The following CD44 variants were observed in gnomAD, a reference collection of about 807,000 sequenced individuals.
CD44 encodes CD44 molecule (IN blood group).
A neutral mutation model predicts 88.8 loss-of-function variants in CD44; 49 were observed. The ratio of observed to expected loss-of-function variants is 0.55; its 90% CI spans 0.44 to 0.70. The LOEUF is 0.70. CD44 is among the 30% of genes least tolerant of loss of function. The pLI is 0.00. For synonymous variants in CD44, 325 were observed against 312.3 expected, an observed-to-expected ratio of 1.04 and a Z score of -0.43; for missense variants, 883 against 913.8, an observed-to-expected ratio of 0.97 and a Z score of 0.43.
In CD44 at chr11:35,201,018, G is replaced by A. The variant is rs148426050; in HGVS notation, c.923-64G>A. Reference sequence around the variant, plus strand: ...AGCCTACAGAAGCAAGACTATGTGCGGGACAAGTGGCGAAGGCTCAAGAAA... The same window carrying A: ...AGCCTACAGAAGCAAGACTATGTGCAGGACAAGTGGCGAAGGCTCAAGAAA... On this transcript the variant is annotated intron_variant, in intron 7 of 17. Coordinates refer to ENST00000428726, the MANE Select transcript of CD44 (RefSeq NM_000610.4). 361 of 1,120,256 alleles carry A rather than the reference G, an allele frequency of 3.2e-4. 4 individuals are homozygous for A. The highest frequency in any genetic ancestry group is 2.4e-3 in the Middle Eastern group (12 of 5,090). The allele number at this position is 1,120,256 out of a possible 1,614,324, so 69.4% of individuals were successfully genotyped here.
chr11:35,188,344 C>T (rs548014456), intron 4 of CD44, among the ~76,000 whole-genome samples: 4 of 152,330 alleles, frequency 2.6e-5, no homozygotes, highest in Admixed American at 2.0e-4. Context: ...GTATGAAATC[C>T]TAGTTCCCTC....
At chr11:35,183,007 A>T (rs1390491469) in intron 3 of CD44, among the ~76,000 whole-genome samples, 3 of 152,124 alleles carry the variant, frequency 2.0e-5, no homozygotes, top group Non-Finnish European at 4.4e-5. Flanking sequence ...TTGGGCCCAT[A>T]CCTGGAGTTG....
intron 1 of CD44, among the ~76,000 whole-genome samples, chr11:35,167,391 T>C (rs547360828): frequency 1.3e-5 from 2 of 152,302 alleles, no homozygotes; most frequent in East Asian, 1.9e-4. Context: ...AAGCTTCCCA[T>C]TGTGCCTCCT....
intron 2 of CD44, among the ~76,000 whole-genome samples, chr11:35,178,404 A>G (rs1406077006): frequency 6.6e-6 from 1 of 152,166 alleles, no homozygotes; most frequent in Non-Finnish European, 1.5e-5. Flanking sequence ...ACCTCATTTT[A>G]TGGATGAAGC....
intron 5 of CD44, among the ~76,000 whole-genome samples, chr11:35,196,388 A>G (rs1022869001): frequency 2.6e-5 from 4 of 152,148 alleles, no homozygotes; most frequent in African/African-American, 9.7e-5. Flanking sequence ...CTTTTACATT[A>G]TATAGACTTT....
chr11:35,147,328 T>C (rs1364446737), intron 1 of CD44, among the ~76,000 whole-genome samples: 4 of 152,192 alleles, frequency 2.6e-5, no homozygotes, highest in African/African-American at 4.8e-5. Flanking sequence ...GGAGTAGGGC[T>C]GTACATATCC....
intron 5 of CD44, among the ~76,000 whole-genome samples, chr11:35,195,610 A>T (rs1311681294): frequency 6.6e-6 from 1 of 151,474 alleles, no homozygotes. Context: ...TTGTTTGGGG[A>T]TGATGGTTTC....
intron 3 of CD44, among the ~76,000 whole-genome samples, chr11:35,183,312 T>G (rs1190099861): frequency 6.7e-6 from 1 of 148,920 alleles, no homozygotes; most frequent in African/African-American, 2.5e-5. Flanking sequence ...CTTAAAGGAG[T>G]TAACAATCTT....
intron 1 of CD44, among the ~76,000 whole-genome samples, chr11:35,168,773 T>C (rs1221453934): frequency 6.6e-6 from 1 of 152,226 alleles, no homozygotes; most frequent in Non-Finnish European, 1.5e-5. Context: ...TCTTTGGGCA[T>C]AGTATGACTG....
chr11:35,158,688 T>G (rs1942217195), intron 1 of CD44, among the ~76,000 whole-genome samples: 1 of 152,210 alleles, frequency 6.6e-6, no homozygotes, highest in Admixed American at 6.5e-5. Flanking sequence ...TCATCCCATT[T>G]CTGGGAAAAA....
intron 1 of CD44, among the ~76,000 whole-genome samples, chr11:35,176,039 ATT>A (rs201610565): frequency 0.025 from 2,556 of 102,110 alleles, 64 homozygotes; most frequent in African/African-American, 0.083. Flanking sequence ...TAATTTTTGT[ATT>A]TTTTTTTTTT....
intron 1 of CD44, among the ~76,000 whole-genome samples, chr11:35,150,755 G>A (rs1272306747): frequency 6.6e-6 from 1 of 152,176 alleles, no homozygotes; most frequent in African/African-American, 2.4e-5. Context: ...AGTATTCTAG[G>A]AGAAGTGAGA....
intron 14 of CD44, 29 bp downstream of exon 14, chr11:35,211,478 T>C (rs1342393584): frequency 6.6e-7 from 1 of 1,525,954 alleles, no homozygotes; most frequent in Non-Finnish European, 9.1e-7. Flanking sequence ...TCTAGTTTGC[T>C]TTCTCTATAT....
intron 5 of CD44, among the ~76,000 whole-genome samples, chr11:35,193,904 C>G (rs1395599844): frequency 1.3e-5 from 2 of 152,170 alleles, no homozygotes; most frequent in African/African-American, 2.4e-5. Context: ...TTGCAAAGTT[C>G]CTGCTCAAGT....
intron 17 of CD44, among the ~76,000 whole-genome samples, chr11:35,224,963 T>C (rs1949591621): frequency 6.6e-6 from 1 of 152,202 alleles, no homozygotes; most frequent in South Asian, 2.1e-4. Flanking sequence ...CCTTCTCTTA[T>C]GCTACAGTCT....
intron 1 of CD44, 29 bp from the exon 2 acceptor site, chr11:35,176,546 G>T (rs752052394): frequency 1.3e-6 from 2 of 1,591,386 alleles, no homozygotes; most frequent in Non-Finnish European, 1.7e-6. Flanking sequence ...TTATGCAAAA[G>T]AATCTAACAT....
In CD44 at chr11:35,159,845, C is replaced by T. The variant is rs147871294; in HGVS notation, c.68-16730C>T. On this transcript the variant is annotated intron_variant, in intron 1 of 17. Transcript: ENST00000428726. ...CCCTTTTAACACTACACTGCAAGTT[C>T]CCATTCAGCTTCATGGGATTAATCC... Among the ~76,000 whole-genome samples, 693 of 152,294 alleles carry T rather than the reference C, an allele frequency of 4.6e-3. 4 individuals carry two copies. The highest frequency in any genetic ancestry group is 5.5e-3 in the Non-Finnish European group (371 of 68,014).
chr11:35,183,260 G>A (rs935630620), intron 3 of CD44, among the ~76,000 whole-genome samples: 1 of 151,718 alleles, frequency 6.6e-6, no homozygotes, highest in African/African-American at 2.4e-5. Flanking sequence ...ACTGCACTAG[G>A]CAGAGATGGA....
chr11:35,150,402 A>G (rs755446011), intron 1 of CD44, among the ~76,000 whole-genome samples: 10 of 152,210 alleles, frequency 6.6e-5, no homozygotes, highest in Non-Finnish European at 1.3e-4. Flanking sequence ...AGAGTCCTCC[A>G]GACCCCCAGT....
Sources: gnomAD v4.1 joint callset for allele counts (sites outside exome capture counted in the v4.1 genomes callset) on GRCh38, gnomAD v4.1.1 for gene constraint, MANE v1.5 for transcripts, NCBI Gene and HGNC (gene_info 2026-07-23, HGNC 2026-07-21) for gene names.